The following ARHGEF12 variants were observed in gnomAD, a reference collection of about 807,000 sequenced individuals.
ARHGEF12 encodes the protein KMT2A/ARHGEF12 fusion protein.
ARHGEF12 carries 66 observed loss-of-function variants against 211.2 expected under a neutral mutation model. That is an observed-to-expected ratio of 0.31 (90% CI 0.26 to 0.38). ARHGEF12 has a LOEUF of 0.38. Ranked by LOEUF, ARHGEF12 falls within the 10% of genes least tolerant of loss-of-function variation. The pLI is 1.00. For synonymous variants in ARHGEF12, 592 were observed against 638.4 expected (o/e 0.93, Z 1.09); for missense variants, 1,429 against 1,869.5 (o/e 0.76, Z 4.34).
At chr11:120,477,014 G>T (rs1455759434) in intron 34 of ARHGEF12, 1 of 597,860 alleles carries the variant, frequency 1.7e-6, no homozygotes, top group East Asian at 2.8e-5. Context: ...TTCTCTTAAG[G>T]TATAGTTTTG....
intron 15 of ARHGEF12, among the ~76,000 whole-genome samples, chr11:120,444,402 C>T (rs1945981609): frequency 6.6e-6 from 1 of 152,214 alleles, no homozygotes; most frequent in Admixed American, 6.5e-5. Flanking sequence ...TGCTACAGCT[C>T]ACATTTATTT....
At chr11:120,382,019 A>C (rs1387463942) in intron 1 of ARHGEF12, among the ~76,000 whole-genome samples, 3 of 152,198 alleles carry the variant, frequency 2.0e-5, no homozygotes, top group Non-Finnish European at 4.4e-5. Flanking sequence ...TTAATAGTTC[A>C]TTTGTTTTAA....
At chr11:120,341,771 C>G (rs1326510943) in intron 1 of ARHGEF12, among the ~76,000 whole-genome samples, 2 of 152,146 alleles carry the variant, frequency 1.3e-5, no homozygotes, top group Non-Finnish European at 2.9e-5. Context: ...TCTGTTAAAA[C>G]TTGGTTTTGA....
chr11:120,414,555 T>C (rs781736302), intron 4 of ARHGEF12, among the ~76,000 whole-genome samples: 1 of 152,172 alleles, frequency 6.6e-6, no homozygotes, highest in Non-Finnish European at 1.5e-5. Flanking sequence ...CTACCTACTT[T>C]CTGGTTGTTC....
intron 1 of ARHGEF12, among the ~76,000 whole-genome samples, chr11:120,393,011 C>T (rs1315900907): frequency 6.6e-6 from 1 of 152,144 alleles, no homozygotes; most frequent in Non-Finnish European, 1.5e-5. Flanking sequence ...TCGGAGTTCT[C>T]TTAAAAGGAA....
chr11:120,482,975 A>G (rs1246307970), intron 39 of ARHGEF12, among the ~76,000 whole-genome samples: 1 of 152,176 alleles, frequency 6.6e-6, no homozygotes, highest in Non-Finnish European at 1.5e-5. Context: ...GATATCGACA[A>G]GCCCATTGAG....
At chr11:120,470,039 G>A (rs1216273821) in intron 30 of ARHGEF12, among the ~76,000 whole-genome samples, 1 of 152,020 alleles carries the variant, frequency 6.6e-6, no homozygotes, top group African/African-American at 2.4e-5. Context: ...ACATGAGTGT[G>A]GATCATGCCT....
At chr11:120,351,422 TA>T (rs1942942315) in intron 1 of ARHGEF12, among the ~76,000 whole-genome samples, 3 of 1,872 alleles carry the variant, frequency 1.6e-3, no homozygotes, top group African/African-American at 6.2e-3. Context: ...TATATATATA[TA>T]TATATATATA....
At position 120,399,321 on chromosome 11, in the gene ARHGEF12, CAAAAAAAAAAAAAAAA is replaced by C. The variant is rs71050743; in HGVS notation, c.33-6782_33-6767del. Among the ~76,000 whole-genome samples, 10 of 36,502 alleles carry C rather than the reference CAAAAAAAAAAAAAAAA, an allele frequency of 2.7e-4. No individual in the cohort carries two copies. In the East Asian group the frequency reaches 6.5e-3, roughly 24 times the overall value. 23.9% of individuals were successfully genotyped at this position (36,502 alleles called of 152,430 possible). ...GAGTGAGAGAGTGAGACATTGTCTC[CAAAAAAAAAAAAAAAA>C]AAAAAAAAAAAAAAGAAAAGAAAGA... On this transcript the variant is annotated intron_variant, in intron 1 of 40. Transcript: ENST00000397843.
At chr11:120,398,418 C>T (rs1018480773) in intron 1 of ARHGEF12, among the ~76,000 whole-genome samples, 3 of 152,138 alleles carry the variant, frequency 2.0e-5, no homozygotes, top group African/African-American at 7.2e-5. Flanking sequence ...CTTGTGATTT[C>T]TTTGTTTTGG....
At chr11:120,432,885 A>G (rs973893753) in intron 11 of ARHGEF12, among the ~76,000 whole-genome samples, 3 of 152,160 alleles carry the variant, frequency 2.0e-5, no homozygotes, top group Admixed American at 6.5e-5. Flanking sequence ...TCCTCATGCA[A>G]AAAACAAACT....
At chr11:120,385,908 G>C (rs1181996978) in intron 1 of ARHGEF12, among the ~76,000 whole-genome samples, 1 of 152,098 alleles carries the variant, frequency 6.6e-6, no homozygotes, top group Non-Finnish European at 1.5e-5. Flanking sequence ...CTTCAGGATG[G>C]TTGTTTCCCT....
At chr11:120,351,166 G>A (rs577695520) in intron 1 of ARHGEF12, among the ~76,000 whole-genome samples, 5 of 151,010 alleles carry the variant, frequency 3.3e-5, no homozygotes, top group Admixed American at 6.6e-5. Flanking sequence ...TGGCTAACAC[G>A]GTGAAACCCC....
Position 120,460,677 on chromosome 11 carries a change from T to A in ARHGEF12, c.2533T>A (p.Leu845Met). 2 of 1,613,044 alleles carry A rather than the reference T, an allele frequency of 1.2e-6. No individual in the cohort carries two copies. The highest frequency in any genetic ancestry group is 1.7e-6 in the Non-Finnish European group (2 of 1,179,350). ...TTCTATCTTTTTATCTTTAGTTGGATTGAATGAACAAATGAAGGCTGTTCG... is the reference window on the plus strand; with the variant it reads ...TTCTATCTTTTTATCTTTAGTTGGAATGAATGAACAAATGAAGGCTGTTCG... The part of the protein sequence containing the change: ...LEDILQLHIG[L>M]NEQMKAVRKR... The change falls in exon 27 of 41, where the codon TTG (leucine) becomes ATG (methionine). Residue 845 changes from leucine (L) to methionine (M), a missense_variant. Leu to Met is a conservative substitution (Grantham distance 15). Coordinates refer to ENST00000397843, the MANE Select transcript of ARHGEF12 (RefSeq NM_015313.3).
chr11:120,458,020 T>C, intron 24 of ARHGEF12, 60 bp from the exon 25 acceptor site: 1 of 1,532,068 alleles, frequency 6.5e-7, no homozygotes, highest in Non-Finnish European at 8.9e-7. Context: ...TAAAGATTTG[T>C]GCTGTTTCTC....
At chr11:120,382,548 G>A (rs1326659386) in intron 1 of ARHGEF12, among the ~76,000 whole-genome samples, 1 of 152,196 alleles carries the variant, frequency 6.6e-6, no homozygotes. Flanking sequence ...TGTGGAATTC[G>A]CTGGTACAGC....
At chr11:120,456,921 C>G in intron 22 of ARHGEF12, 197 bp from the exon 23 acceptor site, 1 of 504,960 alleles carries the variant, frequency 2.0e-6, no homozygotes, top group Non-Finnish European at 3.5e-6. Context: ...TCATATGAGG[C>G]TGAGATGGGA....
chr11:120,372,060 A>G (rs1943603995), intron 1 of ARHGEF12, among the ~76,000 whole-genome samples: 1 of 152,264 alleles, frequency 6.6e-6, no homozygotes. Context: ...GAGCTGGTTT[A>G]TAACCTAGAG....
intron 4 of ARHGEF12, among the ~76,000 whole-genome samples, chr11:120,419,046 G>A (rs919647173): frequency 1.9e-4 from 28 of 151,076 alleles, no homozygotes; most frequent in Admixed American, 5.3e-4. Context: ...GGTTGGACCC[G>A]CCTCCCAGGT....
Sources: allele counts gnomAD v4.1 joint callset (sites outside exome capture counted in the v4.1 genomes callset), GRCh38; gene constraint gnomAD v4.1.1; transcripts MANE v1.5; gene names NCBI Gene and HGNC (gene_info 2026-07-23, HGNC 2026-07-21).